PRELID2: variants seen among roughly 807,000 people sequenced by gnomAD.
PRELID2 encodes the protein PRELI domain-containing protein 2.
Under a neutral mutation model 28.4 loss-of-function variants are expected in PRELID2, and 25 were observed. The observed-to-expected ratio is 0.88, with a 90% CI of 0.64 to 1.23. The LOEUF is 1.23. PRELID2 is among the 50% of genes most tolerant of loss of function. The probability of loss-of-function intolerance (pLI) is 0.00; values close to 1 mark genes in which losing one functional copy is unlikely to be tolerated. For missense variants in PRELID2, 201 were observed against 214.4 expected (o/e 0.94, Z 0.39); for synonymous variants, 76 against 71.6 (o/e 1.06, Z -0.31).
At chr5:145,812,947 C>T (rs932460534) in intron 4 of PRELID2, among the ~76,000 whole-genome samples, 1 of 152,210 alleles carries the variant, frequency 6.6e-6, no homozygotes, top group African/African-American at 2.4e-5. Context: ...GTAGTTCTCT[C>T]ACCCAAGAAG....
chr5:145,558,194 G>A (rs1437901035), intron 1 of PRELID2, among the ~76,000 whole-genome samples: 1 of 152,104 alleles, frequency 6.6e-6, no homozygotes, highest in African/African-American at 2.4e-5. Context: ...TCATAAAGTT[G>A]TTTAAAAGAA....
chr5:145,401,176 T>C, the PRELID2 span, among the ~76,000 whole-genome samples: 1 of 151,990 alleles, frequency 6.6e-6, no homozygotes, highest in Non-Finnish European at 1.5e-5. Context: ...GACCTAAAAA[T>C]GTGAATTTTT....
chr5:145,650,531 C>CATACAT (rs1746950265), intron 1 of PRELID2, among the ~76,000 whole-genome samples: 1 of 68,734 alleles, frequency 1.5e-5, no homozygotes, highest in Admixed American at 2.1e-4. Flanking sequence ...CACATATATA[C>CATACAT]ATATATATAT....
intron 1 of PRELID2, among the ~76,000 whole-genome samples, chr5:145,601,468 A>G (rs1391330314): frequency 6.6e-6 from 1 of 152,238 alleles, no homozygotes. Flanking sequence ...AAATATTTCA[A>G]GCGATAAGAT....
At chr5:145,307,985 T>C in the PRELID2 span, among the ~76,000 whole-genome samples, 2 of 152,192 alleles carry the variant, frequency 1.3e-5, no homozygotes, top group African/African-American at 4.8e-5. Context: ...TCTAGCATTC[T>C]CTGTGTGTGG....
At chr5:145,446,206 T>G in the PRELID2 span, among the ~76,000 whole-genome samples, 4 of 152,174 alleles carry the variant, frequency 2.6e-5, no homozygotes, top group Non-Finnish European at 5.9e-5. Context: ...TATCACTATA[T>G]ATAATATGTA....
intron 1 of PRELID2, among the ~76,000 whole-genome samples, chr5:145,612,825 AATACAT>A (rs1412666489): frequency 1.3e-5 from 2 of 152,204 alleles, no homozygotes; most frequent in African/African-American, 4.8e-5. Flanking sequence ...TTCAATCATA[AATACAT>A]ACCACAGTTT....
At chr5:145,753,007 GA>G (rs1407484185), downstream of PRELID2, among the ~76,000 whole-genome samples, 2 of 152,178 alleles carry the variant, frequency 1.3e-5, no homozygotes, top group African/African-American at 4.8e-5. Context: ...CAAATGTAAG[GA>G]GACACCTAAA....
At chr5:145,559,464 CTTTT>C (rs1242096109) in intron 1 of PRELID2, among the ~76,000 whole-genome samples, 2 of 152,108 alleles carry the variant, frequency 1.3e-5, no homozygotes, top group African/African-American at 2.4e-5. Flanking sequence ...ATAATGTAGT[CTTTT>C]TTGTTTAAAA....
the PRELID2 span, among the ~76,000 whole-genome samples, chr5:145,423,103 C>G: frequency 6.6e-6 from 1 of 151,758 alleles, no homozygotes; most frequent in Non-Finnish European, 1.5e-5. Flanking sequence ...GCCGAGAGAT[C>G]CGCTGTTAGT....
intron 1 of PRELID2, among the ~76,000 whole-genome samples, chr5:145,599,714 G>T (rs779430557): frequency 7.9e-5 from 12 of 152,232 alleles, no homozygotes; most frequent in Non-Finnish European, 1.6e-4. Context: ...AGCAATGAAT[G>T]AAGTATTAAA....
intron 5 of PRELID2, among the ~76,000 whole-genome samples, chr5:145,781,010 C>T (rs972322372): frequency 3.9e-5 from 6 of 152,158 alleles, no homozygotes; most frequent in Non-Finnish European, 5.9e-5. Flanking sequence ...CAACAAATCC[C>T]GCTTCACTAG....
chr5:145,471,907 G>A (rs1369404846), exon 3 of PRELID2: 1 of 152,146 alleles, frequency 6.6e-6, no homozygotes, highest in Non-Finnish European at 1.5e-5. Context: ...AACAAAGAAG[G>A]TAAAGGAACT....
chr5:145,687,853 C>A (rs1365501668), intron 1 of PRELID2, among the ~76,000 whole-genome samples: 1 of 152,146 alleles, frequency 6.6e-6, no homozygotes, highest in Admixed American at 6.5e-5. Context: ...AAAGTCAGTG[C>A]TATTAGTCCC....
intron 2 of PRELID2, 93 bp from the exon 3 acceptor site, chr5:145,820,111 T>C (rs1754665589): frequency 3.4e-6 from 2 of 584,180 alleles, no homozygotes; most frequent in Non-Finnish European, 5.6e-6. Context: ...GTTTTTTTGT[T>C]TTTTGTTTTT....
the PRELID2 span, among the ~76,000 whole-genome samples, chr5:145,364,004 G>A: frequency 3.9e-5 from 6 of 151,970 alleles, no homozygotes; most frequent in East Asian, 1.2e-3. Flanking sequence ...ATTCTTGGCT[G>A]CATAAAACTT....
chr5:145,515,052 C>T (rs1366994522), intron 1 of PRELID2, among the ~76,000 whole-genome samples: 1 of 152,056 alleles, frequency 6.6e-6, no homozygotes, highest in African/African-American at 2.4e-5. Context: ...CAGGACAAAG[C>T]GGGAAAGACC....
At chr5:145,313,555 C>T in the PRELID2 span, among the ~76,000 whole-genome samples, 1 of 152,038 alleles carries the variant, frequency 6.6e-6, no homozygotes, top group Non-Finnish European at 1.5e-5. Flanking sequence ...CTGTTTATAG[C>T]CCAATGAAAA....
At chr5:145,331,287 G>A in the PRELID2 span, among the ~76,000 whole-genome samples, 1 of 152,054 alleles carries the variant, frequency 6.6e-6, no homozygotes, top group Non-Finnish European at 1.5e-5. Flanking sequence ...ATGTCTATTA[G>A]GTCCACTTGG....
Sources: allele counts gnomAD v4.1 joint callset (sites outside exome capture counted in the v4.1 genomes callset), GRCh38; gene constraint gnomAD v4.1.1; transcripts MANE v1.5; gene names NCBI Gene and HGNC (gene_info 2026-07-23, HGNC 2026-07-21).